The following CADPS2 variants were observed in gnomAD, a reference collection of about 807,000 sequenced individuals.
CADPS2 encodes the protein calcium dependent secretion activator 2.
In CADPS2, 93 loss-of-function variants were observed where a neutral mutation model predicts 172.5. The ratio of observed to expected loss-of-function variants is 0.54; its 90% CI spans 0.46 to 0.64. The LOEUF (loss-of-function observed/expected upper bound fraction) is 0.64. CADPS2 is among the 30% of genes least tolerant of loss of function. The pLI is 0.00. For missense variants in CADPS2, 1,420 were observed against 1,565.9 expected (o/e 0.91, Z 1.57); for synonymous variants, 546 against 555.2 (o/e 0.98, Z 0.23).
chr7:122,849,869 A>G, intron 1 of CADPS2: 1 of 583,352 alleles, frequency 1.7e-6, no homozygotes, highest in Non-Finnish European at 3.3e-6. Flanking sequence ...GCAGATCTCA[A>G]GCCAGGCCTC....
chr7:122,646,035 TAAGTA>T (rs914048188), intron 3 of CADPS2, among the ~76,000 whole-genome samples: 5 of 151,904 alleles, frequency 3.3e-5, no homozygotes, highest in African/African-American at 9.7e-5. Context: ...AGTTTATCAT[TAAGTA>T]AAGTAACAAA....
intron 6 of CADPS2, among the ~76,000 whole-genome samples, chr7:122,594,239 A>G (rs1224984431): frequency 2.6e-5 from 4 of 152,030 alleles, no homozygotes; most frequent in African/African-American, 9.7e-5. Flanking sequence ...GATCAAGACC[A>G]GCTTGGGCAA....
Position 122,820,542 on chromosome 7 carries a change from GTTTTTTGTTTTTTGTTTT to G in CADPS2, c.339+65439_339+65456del, listed in dbSNP as rs1382812742. Among the ~76,000 whole-genome samples the G allele has an allele frequency of 1.9e-4, 22 of 117,792 alleles. 1 individual carries two copies. The highest frequency in any genetic ancestry group is 7.6e-4 in the African/African-American group (21 of 27,570). The allele number at this position is 117,792 out of a possible 152,430, so 77.3% of individuals were successfully genotyped here. The stretch of plus-strand genomic sequence containing the variant: ...TCTGTCCAAACAACTTGACCTTACT[GTTTTTTGTTTTTTGTTTT>G]TTTTTTTTTTTTTTTTTGAGACGGA... On this transcript the variant is annotated intron_variant, in intron 1 of 29. Transcript: ENST00000449022.
intron 1 of CADPS2, among the ~76,000 whole-genome samples, chr7:122,804,726 T>C (rs899263405): frequency 6.6e-6 from 1 of 152,230 alleles, no homozygotes; most frequent in Non-Finnish European, 1.5e-5. Flanking sequence ...CAAATGATGC[T>C]GGATTGCCAT....
chr7:122,723,180 G>A (rs906968778), intron 2 of CADPS2, among the ~76,000 whole-genome samples: 1 of 152,084 alleles, frequency 6.6e-6, no homozygotes, highest in African/African-American at 2.4e-5. Context: ...ATTGACAAAT[G>A]GGATCTAATT....
At chr7:122,794,752 TAAA>T (rs200069605) in intron 1 of CADPS2, among the ~76,000 whole-genome samples, 1 of 135,286 alleles carries the variant, frequency 7.4e-6, no homozygotes, top group Non-Finnish European at 1.6e-5. Context: ...GAAATCATTT[TAAA>T]AAAAAAAAAA....
chr7:122,715,025 A>AT (rs1219593181), intron 2 of CADPS2, among the ~76,000 whole-genome samples: 1 of 152,124 alleles, frequency 6.6e-6, no homozygotes, highest in African/African-American at 2.4e-5. Flanking sequence ...AGCCCTATTG[A>AT]TACCTTGACT....
intron 1 of CADPS2, among the ~76,000 whole-genome samples, chr7:122,759,808 A>C (rs1276583521): frequency 6.6e-6 from 1 of 152,082 alleles, no homozygotes; most frequent in East Asian, 1.9e-4. Context: ...ACTTTGCCTA[A>C]TTTTATTCAA....
intron 7 of CADPS2, among the ~76,000 whole-genome samples, chr7:122,571,115 G>T (rs1040980600): frequency 8.6e-5 from 13 of 152,006 alleles, no homozygotes; most frequent in Admixed American, 6.6e-5. Context: ...CTCTCATAAA[G>T]AAGGTATAAA....
intron 12 of CADPS2, among the ~76,000 whole-genome samples, chr7:122,477,550 AAAAAAAC>A (rs1347969618): frequency 3.8e-4 from 57 of 151,920 alleles, no homozygotes; most frequent in Admixed American, 2.6e-3. Flanking sequence ...CACCAAAAAA[AAAAAAAC>A]AAAAAACAAA....
chr7:122,565,397 C>T (rs1208226939), intron 7 of CADPS2, among the ~76,000 whole-genome samples: 1 of 152,052 alleles, frequency 6.6e-6, no homozygotes, highest in Non-Finnish European at 1.5e-5. Context: ...AAGTAAATAA[C>T]ACAGGAAGAT....
chr7:122,441,239 T>C (rs924959152), intron 16 of CADPS2, among the ~76,000 whole-genome samples: 4 of 151,984 alleles, frequency 2.6e-5, no homozygotes, highest in African/African-American at 9.7e-5. Flanking sequence ...AAGTATTTCA[T>C]GAGGGAAATA....
chr7:122,464,227 A>G (rs1048214688), intron 14 of CADPS2, among the ~76,000 whole-genome samples: 3 of 152,208 alleles, frequency 2.0e-5, no homozygotes, highest in Non-Finnish European at 2.9e-5. Flanking sequence ...TGAGTGGGGC[A>G]TATCAAAGGG....
intron 2 of CADPS2, among the ~76,000 whole-genome samples, chr7:122,669,181 A>T (rs1319161540): frequency 6.6e-6 from 1 of 151,976 alleles, no homozygotes; most frequent in Non-Finnish European, 1.5e-5. Context: ...AATACAAAAA[A>T]TTAGCCGGGT....
intron 9 of CADPS2, among the ~76,000 whole-genome samples, chr7:122,499,405 C>A (rs566078305): frequency 6.6e-6 from 1 of 152,292 alleles, no homozygotes; most frequent in South Asian, 2.1e-4. Context: ...ACAATCATAA[C>A]CATTCTAGGT....
At chr7:122,823,730 A>T (rs1384263335) in intron 1 of CADPS2, among the ~76,000 whole-genome samples, 1 of 152,144 alleles carries the variant, frequency 6.6e-6, no homozygotes, top group African/African-American at 2.4e-5. Context: ...TAACTCAGAA[A>T]ATTTAAGAAA....
At chr7:122,642,786 G>A (rs2077823076) in intron 3 of CADPS2, among the ~76,000 whole-genome samples, 1 of 151,930 alleles carries the variant, frequency 6.6e-6, no homozygotes, top group Non-Finnish European at 1.5e-5. Flanking sequence ...ATTAATAACT[G>A]TTTTTCCATA....
chr7:122,580,260 GC>G (rs1194903377), intron 7 of CADPS2, among the ~76,000 whole-genome samples: 1 of 151,898 alleles, frequency 6.6e-6, no homozygotes, highest in Non-Finnish European at 1.5e-5. Flanking sequence ...TTCAAGACAA[GC>G]CTGGCCAAGA....
intron 1 of CADPS2, among the ~76,000 whole-genome samples, chr7:122,839,066 G>T (rs1428542309): frequency 6.6e-6 from 1 of 152,092 alleles, no homozygotes; most frequent in Admixed American, 6.6e-5. Flanking sequence ...GCACGGTGCT[G>T]GTACCAAAAC....
Sources: gnomAD v4.1 joint callset for allele counts (sites outside exome capture counted in the v4.1 genomes callset) on GRCh38, gnomAD v4.1.1 for gene constraint, MANE v1.5 for transcripts, NCBI Gene and HGNC (gene_info 2026-07-23, HGNC 2026-07-21) for gene names.